The following NRXN1 variants were observed in gnomAD, a reference collection of about 807,000 sequenced individuals.
The protein encoded by NRXN1 is neurexin 1.
NRXN1 carries 39 observed loss-of-function variants against 150.9 expected under a neutral mutation model. That is an observed-to-expected ratio of 0.26 (90% CI 0.20 to 0.34). The LOEUF is 0.34. NRXN1 is among the 10% of genes least tolerant of loss of function. The pLI is 1.00. For missense variants in NRXN1, 1,815 were observed against 1,949.9 expected (o/e 0.93, Z 1.30); for synonymous variants, 924 against 757.0 (o/e 1.22, Z -3.62).
At chr2:50,576,924 C>T (rs908367923) in intron 8 of NRXN1, among the ~76,000 whole-genome samples, 4 of 152,030 alleles carry the variant, frequency 2.6e-5, no homozygotes, top group African/African-American at 9.7e-5. Context: ...GTAAATACTG[C>T]ACCTCTATGA....
chr2:50,133,228 A>G (rs1344868840), intron 18 of NRXN1, among the ~76,000 whole-genome samples: 6 of 121,696 alleles, frequency 4.9e-5, no homozygotes, highest in African/African-American at 1.8e-4. Flanking sequence ...CAATGCTTGA[A>G]GATGTAGGGA....
intron 17 of NRXN1, among the ~76,000 whole-genome samples, chr2:50,257,853 AC>A (rs2067860527): frequency 3.3e-5 from 5 of 151,490 alleles, no homozygotes; most frequent in South Asian, 2.1e-4. Flanking sequence ...AAAATATAAA[AC>A]AAAAAATTTA....
chr2:50,155,174 G>T (rs1574212650), intron 18 of NRXN1, among the ~76,000 whole-genome samples: 1 of 151,508 alleles, frequency 6.6e-6, no homozygotes, highest in Non-Finnish European at 1.5e-5. Context: ...TTTTATTATG[G>T]AAAGAAGACA....
intron 5 of NRXN1, among the ~76,000 whole-genome samples, chr2:50,669,049 C>T (rs1427635665): frequency 6.6e-6 from 1 of 151,772 alleles, no homozygotes; most frequent in Non-Finnish European, 1.5e-5. Flanking sequence ...AAAATCTACG[C>T]AGGAGAAATG....
At chr2:50,413,815 T>C (rs184270925) in intron 17 of NRXN1, among the ~76,000 whole-genome samples, 157 of 152,232 alleles carry the variant, frequency 1.0e-3, no homozygotes, top group African/African-American at 3.5e-3. Context: ...ATAAAGGAAA[T>C]GTGTTACATA....
rs939576791 is a variant in NRXN1 at position 50,434,050 on chromosome 2, T to C, written c.3364+31392A>G. On this transcript the variant is annotated intron_variant, in intron 17 of 22. Transcript: ENST00000401669. ...GCTTCCGGTATCTAAGCCATTTTTT[T>C]TTTTTTTTTTTTTTTTTTTTTTTTG... Among the ~76,000 whole-genome samples, 24 of 126,342 alleles carry C rather than the reference T, an allele frequency of 1.9e-4. 3 individuals carry two copies. The highest frequency in any genetic ancestry group is 7.0e-4 in the East Asian group (3 of 4,282). 82.9% of individuals were successfully genotyped at this position (126,342 alleles called of 152,430 possible). A position where few individuals can be genotyped will look rare whatever the true frequency, so the allele number is the denominator to read the frequency against.
intron 5 of NRXN1, among the ~76,000 whole-genome samples, chr2:50,781,087 C>G (rs941472340): frequency 6.6e-6 from 1 of 152,128 alleles, no homozygotes; most frequent in Non-Finnish European, 1.5e-5. Context: ...AAAGCAGCAG[C>G]CAGAGTATCA....
At chr2:50,414,681 A>T (rs1217259546) in intron 17 of NRXN1, among the ~76,000 whole-genome samples, 1 of 152,170 alleles carries the variant, frequency 6.6e-6, no homozygotes, top group South Asian at 2.1e-4. Flanking sequence ...AAAATTATTA[A>T]ATGATAAGCT....
chr2:50,922,425 C>T (rs979809044), intron 4 of NRXN1: 4 of 601,866 alleles, frequency 6.6e-6, no homozygotes, highest in Non-Finnish European at 1.2e-5. Flanking sequence ...CATTTATTTG[C>T]AAATATTATA....
chr2:50,319,074 A>T (rs935308309), intron 17 of NRXN1, among the ~76,000 whole-genome samples: 4 of 152,142 alleles, frequency 2.6e-5, no homozygotes, highest in Admixed American at 2.0e-4. Flanking sequence ...GATTTTTATT[A>T]AAAAATCACA....
intron 5 of NRXN1, among the ~76,000 whole-genome samples, chr2:50,757,622 C>T (rs920015831): frequency 6.6e-6 from 1 of 151,626 alleles, no homozygotes; most frequent in African/African-American, 2.4e-5. Flanking sequence ...CAATAAAATA[C>T]CTTAATCAAA....
At chr2:50,222,129 A>T (rs2063945077) in intron 18 of NRXN1, among the ~76,000 whole-genome samples, 1 of 151,908 alleles carries the variant, frequency 6.6e-6, no homozygotes, top group Non-Finnish European at 1.5e-5. Flanking sequence ...GAGGATATTA[A>T]CCTCTTGCCT....
chr2:50,232,255 G>T (rs1240497777), intron 18 of NRXN1, among the ~76,000 whole-genome samples: 1 of 151,882 alleles, frequency 6.6e-6, no homozygotes, highest in African/African-American at 2.4e-5. Context: ...ATTTATTTTT[G>T]TATCCACAGA....
chr2:50,970,165 A>G (rs890894501), intron 2 of NRXN1, among the ~76,000 whole-genome samples: 6 of 152,122 alleles, frequency 3.9e-5, no homozygotes, highest in Non-Finnish European at 7.4e-5. Flanking sequence ...AGAAAAAGTA[A>G]TATTTGTAGG....
chr2:50,002,130 G>C (rs535551654), intron 21 of NRXN1, among the ~76,000 whole-genome samples: 11 of 152,098 alleles, frequency 7.2e-5, no homozygotes, highest in Non-Finnish European at 1.5e-4. Flanking sequence ...AGTCTAGTGA[G>C]AGCCAAGCAG....
chr2:50,443,061 A>G (rs538604277), intron 17 of NRXN1, among the ~76,000 whole-genome samples: 61 of 152,264 alleles, frequency 4.0e-4, no homozygotes, highest in African/African-American at 1.4e-3. Context: ...ATTAGGTTTT[A>G]TTCATAATTG....
At chr2:50,896,264 C>G (rs1026749093) in intron 5 of NRXN1, among the ~76,000 whole-genome samples, 1 of 152,068 alleles carries the variant, frequency 6.6e-6, no homozygotes, top group Non-Finnish European at 1.5e-5. Context: ...GGGAAGAGAG[C>G]CAAAAACATC....
intron 19 of NRXN1, among the ~76,000 whole-genome samples, chr2:50,079,239 C>A (rs12613363): frequency 6.6e-6 from 1 of 151,716 alleles, no homozygotes; most frequent in Non-Finnish European, 1.5e-5. Flanking sequence ...TTCGGATTAG[C>A]TCTTACGCTC....
intron 18 of NRXN1, among the ~76,000 whole-genome samples, chr2:50,183,511 C>A (rs1451099858): frequency 2.0e-5 from 3 of 151,476 alleles, no homozygotes; most frequent in Non-Finnish European, 2.9e-5. Flanking sequence ...TATTGATATT[C>A]TTTAACTGTG....
Sources: gnomAD v4.1 joint callset for allele counts (sites outside exome capture counted in the v4.1 genomes callset) on GRCh38, gnomAD v4.1.1 for gene constraint, MANE v1.5 for transcripts, NCBI Gene and HGNC (gene_info 2026-07-23, HGNC 2026-07-21) for gene names.